CLEC9A: variants seen among roughly 807,000 people sequenced by gnomAD.
The protein encoded by CLEC9A is C-type lectin domain family 9 member A.
CLEC9A carries 24 observed loss-of-function variants against 30.0 expected under a neutral mutation model. That is an observed-to-expected ratio of 0.80 (90% CI 0.58 to 1.13). The LOEUF is 1.13. CLEC9A is among the 50% of genes most tolerant of loss of function. The pLI is 0.00. For missense variants in CLEC9A, 251 were observed against 280.9 expected (o/e 0.89, Z 0.76); for synonymous variants, 111 against 96.8 (o/e 1.15, Z -0.86).
chr12:10,043,617 T>G (rs1464244965), intron 2 of CLEC9A, among the ~76,000 whole-genome samples: 2 of 150,782 alleles, frequency 1.3e-5, no homozygotes, highest in Non-Finnish European at 3.0e-5. Flanking sequence ...ACAGTGTGTG[T>G]GTGTGTGTGT....
chr12:10,062,996 G>T, intron 6 of CLEC9A, 59 bp from the exon 7 acceptor site: 1 of 1,448,940 alleles, frequency 6.9e-7, no homozygotes, highest in Non-Finnish European at 9.2e-7. Context: ...CTTTTTGGAG[G>T]GATATATGTT....
chr12:10,052,662 T>C lies in CLEC9A; in HGVS notation c.-26T>C. The C allele has an allele frequency of 3.1e-6, 5 of 1,612,804 alleles. No homozygotes were observed. The highest frequency in any genetic ancestry group is 8.5e-7 in the Non-Finnish European group (1 of 1,179,298). ...ACTTGTTCCAGCCTCCTGTGTGGAC[T>C]GCTTTCCTATCAAAGCACCTTAGAC... On this transcript the variant is annotated 5_prime_UTR_variant, in exon 4 of 9. Transcript: ENST00000355819.
chr12:10,052,819 A>G, intron 4 of CLEC9A, 41 bp downstream of exon 4: 21 of 1,557,768 alleles, frequency 1.3e-5, no homozygotes, highest in Non-Finnish European at 1.8e-5. Context: ...TTTAGAGTTC[A>G]TGTTTTTTTT....
intron 2 of CLEC9A, among the ~76,000 whole-genome samples, chr12:10,048,218 C>A (rs1350821535): frequency 6.9e-6 from 1 of 144,578 alleles, no homozygotes; most frequent in Non-Finnish European, 1.5e-5. Context: ...CCGGCCTGGG[C>A]GACAGAGCGA....
Position 10,063,055 on chromosome 12 carries a change from C to G in CLEC9A, c.320C>G (p.Ala107Gly), listed in dbSNP as rs11831360. ...TAAAGTAAAATGTTTATATTCAAAG[C>G]CCATAACAGCAGTCCTTGTCCAAAC... Reference protein sequence around the residue: ...QAFMQNSLSSAHNSSPCPNNW... With the variant: ...QAFMQNSLSSGHNSSPCPNNW... Residue 107 changes from alanine (A) to glycine (G), a missense_variant and splice_region_variant, in exon 7 of 9, where the codon GCC becomes GGC. Ala to Gly is a moderately conservative substitution (Grantham distance 60, BLOSUM62 0). Transcript: ENST00000355819. The G allele has an allele frequency of 9.3e-3, 14,735 of 1,590,110 alleles. 454 individuals carry two copies. The East Asian group carries it at 0.12, about 13-fold the overall frequency.
At chr12:10,031,225 G>T (rs1185245720) in intron 1 of CLEC9A, among the ~76,000 whole-genome samples, 2 of 152,202 alleles carry the variant, frequency 1.3e-5, no homozygotes, top group African/African-American at 4.8e-5. Context: ...AAGTGGAGGG[G>T]AAGGCTGGAG....
intron 7 of CLEC9A, among the ~76,000 whole-genome samples, chr12:10,063,872 G>A (rs1328607123): frequency 6.6e-6 from 1 of 152,152 alleles, no homozygotes; most frequent in Non-Finnish European, 1.5e-5. Context: ...GGCTGGGATG[G>A]TGGTGGGAGC....
At chr12:10,035,318 C>T (rs1247789165) in intron 1 of CLEC9A, among the ~76,000 whole-genome samples, 1 of 152,156 alleles carries the variant, frequency 6.6e-6, no homozygotes, top group Non-Finnish European at 1.5e-5. Context: ...TGTCCTCATC[C>T]AGGTCGGTGG....
At chr12:10,044,640 A>C (rs1368497315) in intron 2 of CLEC9A, among the ~76,000 whole-genome samples, 2 of 152,170 alleles carry the variant, frequency 1.3e-5, no homozygotes, top group East Asian at 3.9e-4. Flanking sequence ...CACTTCTTCA[A>C]TGAGGCTAAG....
At chr12:10,032,491 C>T (rs1865707801) in intron 1 of CLEC9A, among the ~76,000 whole-genome samples, 1 of 149,980 alleles carries the variant, frequency 6.7e-6, no homozygotes, top group South Asian at 2.1e-4. Context: ...CCCGGGTTCA[C>T]GCCATTCTTC....
chr12:10,039,708 T>C (rs922541906), intron 1 of CLEC9A, among the ~76,000 whole-genome samples: 1 of 152,252 alleles, frequency 6.6e-6, no homozygotes, highest in African/African-American at 2.4e-5. Flanking sequence ...GTAGTCTGCG[T>C]AGCTGTTGCT....
At chr12:10,057,761 T>C (rs1289869000) in intron 5 of CLEC9A, among the ~76,000 whole-genome samples, 1 of 152,070 alleles carries the variant, frequency 6.6e-6, no homozygotes, top group Non-Finnish European at 1.5e-5. Flanking sequence ...GTGGTAGTTC[T>C]CAAAGTAAGT....
chr12:10,048,928 T>C (rs140888462), intron 2 of CLEC9A, among the ~76,000 whole-genome samples: 144 of 152,344 alleles, frequency 9.5e-4, no homozygotes, highest in African/African-American at 3.3e-3. Context: ...TTTACTTTGC[T>C]CTGATATATC....
At chr12:10,061,094 G>T in intron 5 of CLEC9A, 33 bp from the exon 6 acceptor site, 1 of 1,598,652 alleles carries the variant, frequency 6.3e-7, no homozygotes, top group South Asian at 1.1e-5. Flanking sequence ...AAAATGTCAG[G>T]ATTTTATTAG....
intron 2 of CLEC9A, among the ~76,000 whole-genome samples, chr12:10,050,607 T>C (rs77675756): frequency 2.0e-5 from 3 of 152,354 alleles, no homozygotes; most frequent in East Asian, 1.9e-4. Flanking sequence ...TAGTCCTTCA[T>C]TGGGAGAAGC....
chr12:10,047,441 A>G (rs1865856510), intron 2 of CLEC9A, among the ~76,000 whole-genome samples: 1 of 152,244 alleles, frequency 6.6e-6, no homozygotes, highest in South Asian at 2.1e-4. Context: ...ATTCATATCT[A>G]AAGCATCTTA....
At chr12:10,048,224 A>G (rs1292298501) in intron 2 of CLEC9A, among the ~76,000 whole-genome samples, 1 of 144,612 alleles carries the variant, frequency 6.9e-6, no homozygotes, top group African/African-American at 2.6e-5. Flanking sequence ...TGGGCGACAG[A>G]GCGAGACTCC....
chr12:10,056,670 G>A (rs1256048368), intron 5 of CLEC9A, among the ~76,000 whole-genome samples: 2 of 152,074 alleles, frequency 1.3e-5, no homozygotes, highest in Admixed American at 6.5e-5. Context: ...AAATAGTGAC[G>A]ATGAGGAGAA....
At chr12:10,048,235 G>A (rs1865864468) in intron 2 of CLEC9A, among the ~76,000 whole-genome samples, 2 of 129,306 alleles carry the variant, frequency 1.5e-5, no homozygotes, top group Non-Finnish European at 3.3e-5. Flanking sequence ...GCGAGACTCC[G>A]TCTCAAAAAA....
Sources: allele counts gnomAD v4.1 joint callset (sites outside exome capture counted in the v4.1 genomes callset), GRCh38; gene constraint gnomAD v4.1.1; transcripts MANE v1.5; gene names NCBI Gene and HGNC (gene_info 2026-07-23, HGNC 2026-07-21).